Variants in SLC39A5 observed in about 807,000 individuals in gnomAD.
SLC39A5 encodes the protein solute carrier family 39 member 5.
In SLC39A5, 42 loss-of-function variants were observed where a neutral mutation model predicts 46.9. That is an observed-to-expected ratio of 0.90 (90% CI 0.70 to 1.16). SLC39A5 has a LOEUF of 1.16. Among genes scored for constraint, SLC39A5 ranks in the 50% most tolerant of loss-of-function variants. SLC39A5 has a pLI of 0.00. For missense variants in SLC39A5, 677 were observed against 686.8 expected (o/e 0.99, Z 0.16); for synonymous variants, 311 against 323.1 (o/e 0.96, Z 0.40).
chr12:56,231,091 C>T (rs1870157307), intron 3 of SLC39A5, 113 bp from the exon 4 acceptor site: 2 of 599,164 alleles, frequency 3.3e-6, no homozygotes, highest in East Asian at 5.8e-5. Context: ...AAGAAGGCTG[C>T]AGTAGGGGCT....
Position 56,233,462 on chromosome 12 carries a change from A to T in SLC39A5, c.471+590A>T, listed in dbSNP as rs193039362. Among the ~76,000 whole-genome samples the T allele has an allele frequency of 7.6e-3, 1,150 of 151,596 alleles. 15 individuals carry two copies. The highest frequency in any genetic ancestry group is 0.027 in the African/African-American group (1,101 of 41,318). The stretch of plus-strand genomic sequence containing the variant: ...GAGACTCTGTCTCAAAAATGAAAAT[A>T]AAAAAAATAAAAAAATAAAAAAAAA... On this transcript the variant is annotated intron_variant, in intron 5 of 12. Coordinates refer to ENST00000454355, the MANE Select transcript of SLC39A5 (RefSeq NM_173596.3).
chr12:56,236,428 A>C lies in SLC39A5; in HGVS notation c.978A>C (p.Glu326Asp). 1 of 1,614,250 alleles carries C rather than the reference A, an allele frequency of 6.2e-7. No homozygotes were observed. The highest frequency in any genetic ancestry group is 8.5e-7 in the Non-Finnish European group (1 of 1,180,044). ...GCAGGCGAAAACGAAGGAATCTCGA[A>C]ACACGCAACTTGGATCCGGAGAATG... The part of the protein sequence containing the change: ...RCCRRKRRNL[E>D]TRNLDPENGS... The change falls in exon 9 of 13, where the codon GAA becomes GAC. Residue 326 changes from glutamate (E) to aspartate (D), a missense_variant. Coordinates refer to ENST00000454355, the MANE Select transcript of SLC39A5 (RefSeq NM_173596.3).
intron 12 of SLC39A5, 99 bp downstream of exon 12, chr12:56,237,439 A>T: frequency 6.5e-7 from 1 of 1,527,460 alleles, no homozygotes; most frequent in South Asian, 1.3e-5. Context: ...TAGCTCCTGG[A>T]AGGGCGTCAG....
Position 56,237,324 on chromosome 12 carries a change from T to C in SLC39A5, c.1463T>C (p.Val488Ala). ...FGVTAGVFLY[V>A]ALVDMLPALL... Reference sequence around the variant, plus strand: ...GTCACTGCTGGGGTCTTCCTCTATGTGGCCCTTGTGGACATGGTGAGAGAT... The same window carrying C: ...GTCACTGCTGGGGTCTTCCTCTATGCGGCCCTTGTGGACATGGTGAGAGAT... The change falls in exon 12 of 13, where the codon GTG becomes GCG. Residue 488 changes from valine (V) to alanine (A), a missense_variant. Physicochemically the swap from Val to Ala is moderately conservative, Grantham distance 64 (BLOSUM62 0). Transcript: ENST00000454355. 6.3e-7 allele frequency: 1 copy of C among 1,597,082 alleles called. No individual in the cohort carries two copies. Among genetic ancestry groups the C allele is most frequent in the Non-Finnish European group, 8.5e-7 (1 of 1,171,078 alleles).
At position 56,231,113 on chromosome 12, in the gene SLC39A5, C is replaced by T. The variant is rs116844027; in HGVS notation, c.-71-91C>T. On this transcript the variant is annotated intron_variant, in intron 3 of 12. Coordinates refer to ENST00000454355, the MANE Select transcript of SLC39A5 (RefSeq NM_173596.3). ...CTGCAGTAGGGGCTGCTGCTGGACT[C>T]GGTGGGGAGCAGGTGCAAGGAGCTC... The T allele has an allele frequency of 1.5e-3, 1,074 of 697,458 alleles. 20 individuals are homozygous for T. The East Asian group carries it at 0.023, about 15-fold the overall frequency. The allele number at this position is 697,458 out of a possible 1,614,324, so 43.2% of individuals were successfully genotyped here.
In SLC39A5 at chr12:56,231,365, C is replaced by T. The variant is rs936110471; in HGVS notation, c.91C>T (p.Pro31Ser). 3 of 1,613,878 alleles carry T rather than the reference C, an allele frequency of 1.9e-6. No homozygotes were observed. Among genetic ancestry groups the T allele is most frequent in the African/African-American group, 2.7e-5 (2 of 74,898 alleles). Residue 31 changes from proline (P) to serine (S), a missense_variant, in exon 4 of 13, where the codon CCT becomes TCT. Transcript: ENST00000454355. ...WVGGSVPNLG[P>S]AEQEQNHYLA... The stretch of plus-strand genomic sequence containing the variant: ...AGGGGGCTCAGTCCCCAACCTGGGC[C>T]CTGCTGAGCAGGAGCAGAACCATTA...
rs1270482043 is a variant in SLC39A5, at chr12:56,237,681, G to A, written c.1573G>A (p.Ala525Thr). 1.2e-6 allele frequency: 2 copies of A among 1,602,870 alleles called. No individual in the cohort carries two copies. The highest frequency in any genetic ancestry group is 1.3e-5 in the African/African-American group (1 of 74,542). The change falls in exon 13 of 13, where the codon GCC becomes ACC. Residue 525 changes from alanine (A) to threonine (T), a missense_variant. Physicochemically the swap from Ala to Thr is moderately conservative, Grantham distance 58 (BLOSUM62 0). Transcript: ENST00000454355. ...GCTGCTGGGGGGCGGCCTCATGCTT[G>A]CCATAACCCTGCTGGAGGAGCGGCT... ...GLLLGGGLML[A>T]ITLLEERLLP...
chr12:56,235,333 G>A lies in SLC39A5; in HGVS notation c.804+7G>A. The A allele has an allele frequency of 6.6e-7, 1 of 1,514,330 alleles. No homozygotes were observed. Among genetic ancestry groups the A allele is most frequent in the Non-Finnish European group, 8.8e-7 (1 of 1,138,308 alleles). The allele number at this position is 1,514,330 out of a possible 1,614,324, so 93.8% of individuals were successfully genotyped here. A position where few individuals can be genotyped will look rare whatever the true frequency, so the allele number is the denominator to read the frequency against. ...GCTACATCTGCTACCGCATGTATGTGAAGCCCCTTCCTTGTACCCCTGGCC... is the reference window on the plus strand; with the variant it reads ...GCTACATCTGCTACCGCATGTATGTAAAGCCCCTTCCTTGTACCCCTGGCC... On this transcript the variant is annotated splice_region_variant and intron_variant, in intron 7 of 12. Transcript: ENST00000454355.
intron 4 of SLC39A5, among the ~76,000 whole-genome samples, chr12:56,231,788 C>T (rs1379545018): frequency 6.6e-6 from 1 of 152,136 alleles, no homozygotes; most frequent in Non-Finnish European, 1.5e-5. Context: ...TGCAGTGACA[C>T]ATTCACGGCT....
chr12:56,233,557 T>G (rs963259078), intron 5 of SLC39A5, among the ~76,000 whole-genome samples: 7 of 152,174 alleles, frequency 4.6e-5, no homozygotes, highest in Admixed American at 2.0e-4. Flanking sequence ...TCAGAGCAGG[T>G]GAGCCCATAT....
At chr12:56,230,959 T>A in intron 3 of SLC39A5, 86 bp downstream of exon 3, 1 of 316,558 alleles carries the variant, frequency 3.2e-6, no homozygotes, top group Non-Finnish European at 5.8e-6. Context: ...GGGGTGGGGT[T>A]TAGGGGACAA....
At chr12:56,236,835 A>G in intron 10 of SLC39A5, 89 bp downstream of exon 10, 1 of 1,585,834 alleles carries the variant, frequency 6.3e-7, no homozygotes, top group South Asian at 1.2e-5. Flanking sequence ...GCCGTCAGGA[A>G]GATGGGGAGA....
chr12:56,234,706 C>A lies in SLC39A5; in HGVS notation c.472-118C>A, dbSNP rs574947419. On this transcript the variant is annotated intron_variant, in intron 5 of 12. Transcript: ENST00000454355. ...AAACTCCTGACCTCAGATGATACAC[C>A]CGCCTGGGCCTCTCAAGGGCTGGGA... is the stretch of plus-strand genomic sequence containing the variant. 15 of 1,103,740 alleles carry A rather than the reference C, an allele frequency of 1.4e-5. No homozygotes were observed. The East Asian group carries it at 2.9e-4, about 21-fold the overall frequency. The allele number at this position is 1,103,740 out of a possible 1,614,324, so 68.4% of individuals were successfully genotyped here. A position where few individuals can be genotyped will look rare whatever the true frequency, so the allele number is the denominator to read the frequency against.
In SLC39A5 at chr12:56,235,713, C is replaced by A. The variant is rs372097211; in HGVS notation, c.945+13C>A. On this transcript the variant is annotated intron_variant, in intron 8 of 12. Coordinates refer to ENST00000454355, the MANE Select transcript of SLC39A5 (RefSeq NM_173596.3). ...AGGGCTCAGGCCAGTGAGTGATACC[C>A]TTTTCTCCTCCTTCTGCTGAGACCA... 8.7e-6 allele frequency: 14 copies of A among 1,613,648 alleles called. No homozygotes were observed. In the East Asian group the frequency reaches 2.9e-4, roughly 33 times the overall value.
At position 56,231,524 on chromosome 12, in the gene SLC39A5, C is replaced by T. The variant is rs199681035; in HGVS notation, c.250C>T (p.Arg84Trp). 7.8e-5 allele frequency: 123 copies of T among 1,582,548 alleles called. 1 individual carries two copies. The East Asian group carries it at 9.4e-4, about 12-fold the overall frequency. Residue 84 changes from arginine (R) to tryptophan (W), a missense_variant, in exon 4 of 13, where the codon CGG becomes TGG. Arg to Trp is a moderately radical substitution (Grantham distance 101). Transcript: ENST00000454355. ...GGGACAGCATGGGCCTCTGACTGGACGGGCTGCATCCCCAGCTGCAGACAA... is the reference window on the plus strand; with the variant it reads ...GGGACAGCATGGGCCTCTGACTGGATGGGCTGCATCCCCAGCTGCAGACAA... ...RLGQHGPLTG[R>W]AASPAADNST...
Position 56,236,965 on chromosome 12 carries a change from C to T in SLC39A5, c.1242C>T (p.Leu414=), listed in dbSNP as rs984781825. 1.2e-6 allele frequency: 2 copies of T among 1,614,016 alleles called. No individual in the cohort carries two copies. Among genetic ancestry groups the T allele is most frequent in the Admixed American group, 1.7e-5 (1 of 59,998 alleles). ...AAFSDGFSSG[L]STTLAVFCHE... is the part of the protein sequence containing the mutation. ...TCTCTGATGGCTTCTCCAGCGGCCT[C>T]AGTACCACCTTAGCGGTCTTCTGCC... The change falls in exon 11 of 13, where the codon CTC becomes CTT. Residue 414 remains leucine (L), a synonymous_variant. Transcript: ENST00000454355.
In SLC39A5 at chr12:56,236,062, C is replaced by A. The variant is rs73342369; in HGVS notation, c.946-334C>A. On this transcript the variant is annotated intron_variant, in intron 8 of 12. Transcript: ENST00000454355. ...ATCTCAAAAACAACAACAACAACAACAAAACTGGGCCAAAAAGCCAAGAGA... is the reference window on the plus strand; with the variant it reads ...ATCTCAAAAACAACAACAACAACAAAAAAACTGGGCCAAAAAGCCAAGAGA... Among the ~76,000 whole-genome samples the A allele has an allele frequency of 1.1e-3, 171 of 152,198 alleles. 1 individual carries two copies. Among genetic ancestry groups the A allele is most frequent in the African/African-American group, 3.9e-3 (163 of 41,530 alleles).
chr12:56,233,993 A>T (rs1021128829), intron 5 of SLC39A5, among the ~76,000 whole-genome samples: 9 of 152,206 alleles, frequency 5.9e-5, no homozygotes, highest in Admixed American at 3.9e-4. Flanking sequence ...GTTTGCATCA[A>T]ATTGAATACC....
chr12:56,236,702 T>A lies in SLC39A5; in HGVS notation c.1163T>A (p.Leu388His). Residue 388 changes from leucine to histidine, a missense_variant, in exon 10 of 13, where the codon CTC (leucine) becomes CAC (histidine). By Grantham distance (99) the Leu-to-His change is moderately conservative. Coordinates refer to ENST00000454355, the MANE Select transcript of SLC39A5 (RefSeq NM_173596.3). ...GGCACTGATATCACGTGGATGGTCCTCCTGGGAGATGGTCTACACAACCTC... is the reference window on the plus strand; with the variant it reads ...GGCACTGATATCACGTGGATGGTCCACCTGGGAGATGGTCTACACAACCTC... Reference protein sequence around the residue: ...QGGTDITWMVLLGDGLHNLTD... With the variant: ...QGGTDITWMVHLGDGLHNLTD... 6.2e-7 allele frequency: 1 copy of A among 1,611,966 alleles called. No individual in the cohort carries two copies. Among genetic ancestry groups the A allele is most frequent in the Non-Finnish European group, 8.5e-7 (1 of 1,178,686 alleles).
Sources: gnomAD v4.1 joint callset for allele counts (sites outside exome capture counted in the v4.1 genomes callset) on GRCh38, gnomAD v4.1.1 for gene constraint, MANE v1.5 for transcripts, NCBI Gene and HGNC (gene_info 2026-07-23, HGNC 2026-07-21) for gene names.